Variants in CTTNBP2NL observed in about 807,000 individuals in gnomAD.
The protein encoded by CTTNBP2NL is CTTNBP2 N-terminal-like protein.
A neutral mutation model predicts 32.5 loss-of-function variants in CTTNBP2NL; 16 were observed. The observed-to-expected ratio is 0.49, with a 90% confidence interval of 0.33 to 0.75. The LOEUF (loss-of-function observed/expected upper bound fraction) is 0.75, where lower values mean the gene tolerates loss of function less well. Ranked by LOEUF, CTTNBP2NL falls within the 30% of genes least tolerant of loss-of-function variation. The pLI is 0.02. For synonymous variants in CTTNBP2NL, 298 were observed against 289.4 expected (o/e 1.03, Z -0.30); for missense variants, 645 against 756.0 (o/e 0.85, Z 1.72).
intron 3 of CTTNBP2NL, among the ~76,000 whole-genome samples, chr1:112,420,310 A>G (rs1300933039): frequency 6.6e-6 from 1 of 151,274 alleles, no homozygotes; most frequent in Non-Finnish European, 1.5e-5. Context: ...ACACCCAGCT[A>G]ATTTTTTAAT....
At chr1:112,447,272 TAAAAAAAAA>T (rs35522134) in intron 3 of CTTNBP2NL, among the ~76,000 whole-genome samples, 3 of 69,678 alleles carry the variant, frequency 4.3e-5, no homozygotes, top group Non-Finnish European at 8.2e-5. Flanking sequence ...AGACTCCATC[TAAAAAAAAA>T]AAAAAAAAAA....
rs2100998668 is a variant in CTTNBP2NL, at chr1:112,412,201, C to T, written c.-126C>T. 6.6e-6 allele frequency: 1 copy of T among 152,274 alleles called. No homozygotes were observed. 9.4% of individuals were successfully genotyped at this position (152,274 alleles called of 1,614,324 possible). A position where few individuals can be genotyped will look rare whatever the true frequency, so the allele number is the denominator to read the frequency against. ...TTTCTCCTTATTTTGCAGCATTGGA[C>T]ACATTTCCACCATGCTAATGGCATT... On this transcript the variant is annotated 5_prime_UTR_variant, in exon 2 of 6. Transcript: ENST00000271277.
rs1162919293 is a variant in CTTNBP2NL, at chr1:112,459,888, A to C, written c.*2476A>C. 6.6e-6 allele frequency: 1 copy of C among 152,204 alleles called. No homozygotes were observed. Among genetic ancestry groups the C allele is most frequent in the Non-Finnish European group, 1.5e-5 (1 of 68,044 alleles). 9.4% of individuals were successfully genotyped at this position (152,204 alleles called of 1,614,324 possible). ...GAATAATGTATTTCTTTTACAGTGT[A>C]ATATGGGGGTGGGGATATGCGAAAG... is the stretch of plus-strand genomic sequence containing the variant. On this transcript the variant is annotated 3_prime_UTR_variant, in exon 6 of 6. Transcript: ENST00000271277.
intron 3 of CTTNBP2NL, among the ~76,000 whole-genome samples, chr1:112,417,420 T>G (rs1415244792): frequency 3.9e-5 from 6 of 152,262 alleles, no homozygotes; most frequent in African/African-American, 1.4e-4. Flanking sequence ...TACTGCCTTC[T>G]GGTTTTAATG....
At chr1:112,439,522 G>A (rs563885746) in intron 3 of CTTNBP2NL, among the ~76,000 whole-genome samples, 1 of 152,208 alleles carries the variant, frequency 6.6e-6, no homozygotes, top group East Asian at 1.9e-4. Flanking sequence ...TTAACTAGAG[G>A]AAATGAAGAT....
At chr1:112,412,417 T>G (rs1648899376) in intron 2 of CTTNBP2NL, 100 bp downstream of exon 2, 1 of 152,178 alleles carries the variant, frequency 6.6e-6, no homozygotes, top group South Asian at 2.1e-4. Flanking sequence ...TTTATTGCAG[T>G]GTCTATATAT....
Position 112,453,488 on chromosome 1 carries a change from A to G in CTTNBP2NL, c.331-961A>G, listed in dbSNP as rs538682077. 5.9e-5 allele frequency among the ~76,000 whole-genome samples: 9 copies of G among 152,226 alleles called. 1 individual carries two copies. The highest frequency in any genetic ancestry group is 1.9e-4 in the African/African-American group (8 of 41,534). On this transcript the variant is annotated intron_variant, in intron 4 of 5. Transcript: ENST00000271277. The stretch of plus-strand genomic sequence containing the variant: ...TATTCTTGGCCATGTGTGATGGCTC[A>G]CACCTGTAATCCCAGCATTTTGGGA...
intron 3 of CTTNBP2NL, among the ~76,000 whole-genome samples, chr1:112,448,038 C>G (rs377155792): frequency 1.3e-5 from 2 of 152,118 alleles, no homozygotes; most frequent in Admixed American, 6.5e-5. Flanking sequence ...AAGAGGGAAG[C>G]CTAGGAATAT....
chr1:112,437,879 A>G (rs139602355), intron 3 of CTTNBP2NL, among the ~76,000 whole-genome samples: 1 of 152,262 alleles, frequency 6.6e-6, no homozygotes, highest in East Asian at 1.9e-4. Flanking sequence ...ATAGTTTGCA[A>G]ATATTTTCTC....
chr1:112,428,091 A>C (rs1388902021), intron 3 of CTTNBP2NL, among the ~76,000 whole-genome samples: 2 of 151,710 alleles, frequency 1.3e-5, no homozygotes, highest in African/African-American at 4.9e-5. Context: ...ATATGTATCC[A>C]CACACACACA....
Position 112,459,139 on chromosome 1 carries a change from T to C in CTTNBP2NL, c.*1727T>C, listed in dbSNP as rs1650468946. ...CTGGTTAAACAAACACGTCTGCAGC[T>C]GGATTTAGCTTGCAAGCTGCCAAGT... On this transcript the variant is annotated 3_prime_UTR_variant, in exon 6 of 6. Coordinates refer to ENST00000271277, the MANE Select transcript of CTTNBP2NL (RefSeq NM_018704.3). The C allele has an allele frequency of 6.6e-6, 1 of 152,266 alleles. No individual in the cohort carries two copies. The highest frequency in any genetic ancestry group is 1.5e-5 in the Non-Finnish European group (1 of 68,050). 9.4% of individuals were successfully genotyped at this position (152,266 alleles called of 1,614,324 possible). A position where few individuals can be genotyped will look rare whatever the true frequency, so the allele number is the denominator to read the frequency against.
chr1:112,408,668 C>T (rs2488756), intron 1 of CTTNBP2NL, among the ~76,000 whole-genome samples: 19,568 of 151,834 alleles, frequency 0.13, 4,136 homozygotes, highest in African/African-American at 0.44. Flanking sequence ...GTAAATGTGG[C>T]AAGTTTCTTT....
intron 1 of CTTNBP2NL, among the ~76,000 whole-genome samples, chr1:112,407,570 T>G (rs914628687): frequency 6.6e-6 from 1 of 152,208 alleles, no homozygotes; most frequent in Non-Finnish European, 1.5e-5. Flanking sequence ...AGAGATCCTG[T>G]TTCCAAAATC....
rs999588634 is a variant in CTTNBP2NL, at chr1:112,456,975, T to C, written c.1483T>C (p.Ser495Pro). ...TTTATCCCCCACCCTCATAGACAACTCTGCCGCCAAGCAGCTGGCCCGAAA... is the reference window on the plus strand; with the variant it reads ...TTTATCCCCCACCCTCATAGACAACCCTGCCGCCAAGCAGCTGGCCCGAAA... Reference protein sequence around the residue: ...RDLSPTLIDNSAAKQLARNTV... With the variant: ...RDLSPTLIDNPAAKQLARNTV... The change falls in exon 6 of 6, where the codon TCT (serine) becomes CCT (proline). Residue 495 changes from serine to proline, a missense_variant. Physicochemically the swap from Ser to Pro is moderately conservative, Grantham distance 74 (BLOSUM62 -1). Transcript: ENST00000271277. 10 of 1,613,860 alleles carry C rather than the reference T, an allele frequency of 6.2e-6. No homozygotes were observed. The highest frequency in any genetic ancestry group is 1.6e-4 in the Middle Eastern group (1 of 6,084).
intron 3 of CTTNBP2NL, among the ~76,000 whole-genome samples, chr1:112,416,995 C>G (rs1167443697): frequency 6.6e-6 from 1 of 152,116 alleles, no homozygotes; most frequent in East Asian, 1.9e-4. Flanking sequence ...TAGTTTTAGC[C>G]CATTTCTAAT....
rs148516712 is a variant in CTTNBP2NL, at chr1:112,456,566, T to C, written c.1074T>C (p.Thr358=). Residue 358 remains threonine (T), a synonymous_variant, in exon 6 of 6, where the codon ACT becomes ACC. Coordinates refer to ENST00000271277, the MANE Select transcript of CTTNBP2NL (RefSeq NM_018704.3). ...GCCATTGTGACCCAGAGATACAAAC[T>C]ACCAGGGAGCTGACTGCAGGCAACA... ...TNGHCDPEIQ[T]TRELTAGNNV... is the part of the protein sequence containing the mutation. 1.6e-4 allele frequency: 255 copies of C among 1,613,980 alleles called. 1 individual carries two copies. Among genetic ancestry groups the C allele is most frequent in the Non-Finnish European group, 2.0e-4 (237 of 1,180,038 alleles).
chr1:112,431,707 T>C (rs1175055165), intron 3 of CTTNBP2NL, among the ~76,000 whole-genome samples: 1 of 152,266 alleles, frequency 6.6e-6, no homozygotes, highest in Non-Finnish European at 1.5e-5. Context: ...TTATATACTT[T>C]TTTTAATGAG....
chr1:112,426,044 G>A (rs1049447402), intron 3 of CTTNBP2NL, among the ~76,000 whole-genome samples: 1 of 150,514 alleles, frequency 6.6e-6, no homozygotes, highest in African/African-American at 2.4e-5. Context: ...TCAGTACAAT[G>A]TCAAGTAGAA....
intron 3 of CTTNBP2NL, among the ~76,000 whole-genome samples, chr1:112,416,886 C>T (rs969994670): frequency 2.6e-5 from 4 of 152,136 alleles, no homozygotes; most frequent in Non-Finnish European, 5.9e-5. Context: ...AATGTACATA[C>T]ATCCATATAT....
Sources: allele counts gnomAD v4.1 joint callset (sites outside exome capture counted in the v4.1 genomes callset), GRCh38; gene constraint gnomAD v4.1.1; transcripts MANE v1.5; gene names NCBI Gene and HGNC (gene_info 2026-07-23, HGNC 2026-07-21).